Variants in RANBP9 observed in about 807,000 individuals in gnomAD.
The protein encoded by RANBP9 is RAN binding protein 9, also known as ran-binding protein 9.
Under a neutral mutation model 84.3 loss-of-function variants are expected in RANBP9, and 15 were observed. The ratio of observed to expected loss-of-function variants is 0.18; its 90% confidence interval spans 0.12 to 0.27. RANBP9 has a LOEUF of 0.27. Ranked by LOEUF, RANBP9 falls within the 10% of genes least tolerant of loss-of-function variation. RANBP9 has a pLI of 1.00. For synonymous variants in RANBP9, 392 were observed against 349.6 expected (o/e 1.12, Z -1.35); for missense variants, 809 against 912.8 (o/e 0.89, Z 1.46).
chr6:13,687,101 G>A (rs964090538), intron 2 of RANBP9, among the ~76,000 whole-genome samples: 3 of 152,130 alleles, frequency 2.0e-5, no homozygotes. Flanking sequence ...CTTTAAATAT[G>A]GTGTTTCAGG....
chr6:13,704,370 G>A (rs1249637562), intron 1 of RANBP9, among the ~76,000 whole-genome samples: 1 of 152,172 alleles, frequency 6.6e-6, no homozygotes, highest in Non-Finnish European at 1.5e-5. Flanking sequence ...GCTCCTGCCT[G>A]TAATCCTAGC....
At chr6:13,680,332 G>C (rs1457076413) in intron 2 of RANBP9, among the ~76,000 whole-genome samples, 4 of 152,068 alleles carry the variant, frequency 2.6e-5, no homozygotes, top group Non-Finnish European at 5.9e-5. Context: ...CCAAGACATA[G>C]TCAAGTAATG....
At chr6:13,642,090 T>G (rs963193821) in intron 7 of RANBP9, among the ~76,000 whole-genome samples, 3 of 152,224 alleles carry the variant, frequency 2.0e-5, no homozygotes, top group Admixed American at 6.5e-5. Flanking sequence ...GGATCAATAC[T>G]GTATTAGCCA....
At chr6:13,678,840 C>T (rs908366434) in intron 2 of RANBP9, among the ~76,000 whole-genome samples, 2 of 152,064 alleles carry the variant, frequency 1.3e-5, no homozygotes, top group African/African-American at 4.8e-5. Context: ...TGCAGCTACC[C>T]AGACTTTACC....
intron 5 of RANBP9, among the ~76,000 whole-genome samples, chr6:13,651,691 T>G (rs1350982215): frequency 6.6e-6 from 1 of 152,060 alleles, no homozygotes; most frequent in Non-Finnish European, 1.5e-5. Flanking sequence ...TGAGCCACCA[T>G]GCCCGGCCTA....
chr6:13,702,082 T>G (rs1253973581), intron 1 of RANBP9, among the ~76,000 whole-genome samples: 1 of 152,232 alleles, frequency 6.6e-6, no homozygotes. Flanking sequence ...ATTCTATGCC[T>G]CCGTGCTACA....
chr6:13,693,299 G>A (rs1766369738), intron 2 of RANBP9, among the ~76,000 whole-genome samples: 1 of 152,090 alleles, frequency 6.6e-6, no homozygotes, highest in African/African-American at 2.4e-5. Flanking sequence ...GTGAGAATTA[G>A]GGATTCTTCA....
chr6:13,660,234 C>T (rs999527993), intron 2 of RANBP9, among the ~76,000 whole-genome samples: 4 of 152,114 alleles, frequency 2.6e-5, no homozygotes, highest in African/African-American at 9.7e-5. Flanking sequence ...TTCAGATAGG[C>T]ACAGAGGCTC....
chr6:13,670,860 G>A (rs1765765052), intron 2 of RANBP9, among the ~76,000 whole-genome samples: 1 of 149,978 alleles, frequency 6.7e-6, no homozygotes, highest in African/African-American at 2.4e-5. Context: ...AAATTTTTGT[G>A]ATTTAAAGGA....
chr6:13,706,768 G>A (rs534705176), intron 1 of RANBP9, among the ~76,000 whole-genome samples: 6 of 151,780 alleles, frequency 4.0e-5, no homozygotes, highest in Admixed American at 2.6e-4. Flanking sequence ...TTGGGAGGCC[G>A]AGGCGGGCAG....
intron 2 of RANBP9, among the ~76,000 whole-genome samples, chr6:13,684,452 C>T (rs1766120737): frequency 6.6e-6 from 1 of 152,236 alleles, no homozygotes; most frequent in Non-Finnish European, 1.5e-5. Flanking sequence ...TCACCCGTAA[C>T]CTCAATTACT....
At chr6:13,673,865 T>C (rs573509984) in intron 2 of RANBP9, among the ~76,000 whole-genome samples, 3 of 152,214 alleles carry the variant, frequency 2.0e-5, no homozygotes, top group Non-Finnish European at 4.4e-5. Context: ...GGAGGATCAC[T>C]TGAGCCCAGG....
At chr6:13,682,128 C>CTGGGATTACA (rs1239637557) in intron 2 of RANBP9, among the ~76,000 whole-genome samples, 2 of 151,960 alleles carry the variant, frequency 1.3e-5, no homozygotes, top group African/African-American at 2.4e-5. Context: ...TCTTAAAGTG[C>CTGGGATTACA]TGGGATTACA....
At chr6:13,642,766 A>G (rs1297384626) in intron 6 of RANBP9, among the ~76,000 whole-genome samples, 175 bp from the exon 7 acceptor site, 1 of 152,086 alleles carries the variant, frequency 6.6e-6, no homozygotes, top group Admixed American at 6.6e-5. Flanking sequence ...ATTTTGTTCT[A>G]TTCATGTACT....
chr6:13,627,675 G>A lies in RANBP9; in HGVS notation c.1948-1911C>T, dbSNP rs140383528. ...AAAAATCACGTTATTTTTAAGGACT[G>A]AGCTTTGCTCAAGACTTAATTTACC... On this transcript the variant is annotated intron_variant, in intron 12 of 13. Transcript: ENST00000011619. 5.4e-3 allele frequency among the ~76,000 whole-genome samples: 797 copies of A among 147,522 alleles called. 3 individuals carry two copies. The highest frequency in any genetic ancestry group is 0.018 in the African/African-American group (739 of 40,268).
At chr6:13,644,797 T>A in intron 5 of RANBP9, 68 bp from the exon 6 acceptor site, 1 of 1,234,544 alleles carries the variant, frequency 8.1e-7, no homozygotes, top group Non-Finnish European at 1.1e-6. Context: ...CTTTTAATGT[T>A]ACATTTAAAA....
intron 2 of RANBP9, among the ~76,000 whole-genome samples, chr6:13,667,528 TACA>T (rs1024945859): frequency 7.9e-5 from 12 of 152,216 alleles, no homozygotes; most frequent in Non-Finnish European, 1.5e-4. Context: ...AGACCGCATG[TACA>T]ACAATAGTCC....
At chr6:13,650,078 T>C (rs1018722208) in intron 5 of RANBP9, among the ~76,000 whole-genome samples, 1 of 152,170 alleles carries the variant, frequency 6.6e-6, no homozygotes, top group Non-Finnish European at 1.5e-5. Context: ...TAACAATATG[T>C]ATTTTAAAAA....
intron 1 of RANBP9, among the ~76,000 whole-genome samples, chr6:13,708,864 C>A (rs1173303469): frequency 6.6e-6 from 1 of 150,962 alleles, no homozygotes; most frequent in Non-Finnish European, 1.5e-5. Context: ...AGTAACAAGA[C>A]AAGAGGAAGA....
Sources: allele counts gnomAD v4.1 joint callset (sites outside exome capture counted in the v4.1 genomes callset), GRCh38; gene constraint gnomAD v4.1.1; transcripts MANE v1.5; gene names NCBI Gene and HGNC (gene_info 2026-07-23, HGNC 2026-07-21).